Variants in ATP8A2 observed in about 807,000 individuals in gnomAD.
ATP8A2 encodes ATPase phospholipid transporting 8A2.
Under a neutral mutation model 165.6 loss-of-function variants are expected in ATP8A2, and 100 were observed. That is an observed-to-expected ratio of 0.60 (90% CI 0.51 to 0.71). The LOEUF is 0.71. Ranked by LOEUF, ATP8A2 falls within the 30% of genes least tolerant of loss-of-function variation. The pLI is 0.00. For missense variants in ATP8A2, 1,227 were observed against 1,479.5 expected (o/e 0.83, Z 2.80); for synonymous variants, 543 against 548.8 (o/e 0.99, Z 0.15).
chr13:25,747,197 T>C (rs217864), intron 25 of ATP8A2, among the ~76,000 whole-genome samples: 55,419 of 152,160 alleles, frequency 0.36, 10,626 homozygotes, highest in East Asian at 0.49. Context: ...AGGTCTACCT[T>C]AGCTACAATT....
At chr13:25,512,312 C>G (rs2037255833) in intron 2 of ATP8A2, among the ~76,000 whole-genome samples, 1 of 152,164 alleles carries the variant, frequency 6.6e-6, no homozygotes, top group African/African-American at 2.4e-5. Context: ...CATCCGATTT[C>G]TCAATCTTTT....
chr13:25,563,176 G>A (rs12865325), intron 15 of ATP8A2, among the ~76,000 whole-genome samples: 102,793 of 151,190 alleles, frequency 0.68, 35,978 homozygotes, highest in Middle Eastern at 0.72. Context: ...TTGGGAGGCC[G>A]AGGTGGGTGG....
chr13:25,951,206 TTAA>T (rs2139144930), intron 33 of ATP8A2, among the ~76,000 whole-genome samples: 1 of 152,338 alleles, frequency 6.6e-6, no homozygotes, highest in South Asian at 2.1e-4. Flanking sequence ...AGCCTTATTC[TTAA>T]TAATAGGCCC....
intron 25 of ATP8A2, among the ~76,000 whole-genome samples, chr13:25,729,108 CT>C (rs2043559108): frequency 6.6e-6 from 1 of 152,060 alleles, no homozygotes; most frequent in African/African-American, 2.4e-5. Flanking sequence ...CACCCTCCCC[CT>C]CTCTCCTTTC....
At chr13:25,609,565 T>TATATATATATATATTTGGATC (rs762280019) in intron 24 of ATP8A2, among the ~76,000 whole-genome samples, 6 of 120,796 alleles carry the variant, frequency 5.0e-5, no homozygotes, top group Admixed American at 8.8e-5. Context: ...ATATTTGGAT[T>TATATATATATATATTTGGATC]CAAATATATA....
rs114677696 is a variant in ATP8A2, at chr13:25,902,817, G to A, written c.3183+40409G>A. On this transcript the variant is annotated intron_variant, in intron 33 of 36. Transcript: ENST00000381655. ...GCCCAGACCTCTTCCTGAACCACAGGCCCACGCTGGTTGAGTGAATTTCCA... is the reference window on the plus strand; with the variant it reads ...GCCCAGACCTCTTCCTGAACCACAGACCCACGCTGGTTGAGTGAATTTCCA... 4.0e-3 allele frequency among the ~76,000 whole-genome samples: 614 copies of A among 152,108 alleles called. 2 individuals are homozygous for A. The highest frequency in any genetic ancestry group is 0.014 in the African/African-American group (586 of 41,476).
intron 35 of ATP8A2, among the ~76,000 whole-genome samples, chr13:25,977,182 C>T (rs1279357073): frequency 1.3e-5 from 2 of 152,190 alleles, no homozygotes; most frequent in African/African-American, 2.4e-5. Context: ...CAGTCACCTT[C>T]GTGGAGCCTA....
At chr13:25,793,653 G>C (rs1187634012) in intron 27 of ATP8A2, among the ~76,000 whole-genome samples, 1 of 34,234 alleles carries the variant, frequency 2.9e-5, no homozygotes, top group African/African-American at 9.8e-5. Context: ...TCTCAGGGGA[G>C]ACTTAGTGTT....
intron 35 of ATP8A2, among the ~76,000 whole-genome samples, chr13:25,988,187 G>A (rs73155959): frequency 0.03 from 4,521 of 152,344 alleles, 99 homozygotes; most frequent in Non-Finnish European, 0.047. Context: ...TCCAGGTCCA[G>A]CTGAGCATGC....
At chr13:25,507,004 G>A (rs2037064387) in intron 2 of ATP8A2, among the ~76,000 whole-genome samples, 1 of 146,590 alleles carries the variant, frequency 6.8e-6, no homozygotes, top group African/African-American at 2.5e-5. Flanking sequence ...AACTAAATAT[G>A]TGTGTGTATA....
chr13:25,588,906 G>A (rs1184987045), intron 23 of ATP8A2, among the ~76,000 whole-genome samples: 1 of 152,086 alleles, frequency 6.6e-6, no homozygotes, highest in South Asian at 2.1e-4. Flanking sequence ...GAGGCATCCT[G>A]AGAGGCGCTC....
intron 1 of ATP8A2, among the ~76,000 whole-genome samples, chr13:25,382,902 C>G (rs1340477322): frequency 7.0e-6 from 1 of 142,916 alleles, no homozygotes. Context: ...ACTACAGGTG[C>G]CCGCCACCAT....
intron 23 of ATP8A2, among the ~76,000 whole-genome samples, chr13:25,583,915 C>A (rs967814976): frequency 6.6e-6 from 1 of 152,186 alleles, no homozygotes; most frequent in African/African-American, 2.4e-5. Context: ...TCTTTCTTAG[C>A]AAGTACTCTC....
chr13:25,620,631 G>A (rs2040943632), intron 24 of ATP8A2, among the ~76,000 whole-genome samples: 1 of 152,114 alleles, frequency 6.6e-6, no homozygotes, highest in South Asian at 2.1e-4. Context: ...TAATACAATT[G>A]CCTGTGTAAA....
intron 33 of ATP8A2, chr13:25,950,756 G>A (rs1238722824): frequency 6.6e-6 from 1 of 152,124 alleles, no homozygotes; most frequent in Non-Finnish European, 1.5e-5. Flanking sequence ...AGAGAAGAAG[G>A]GGCAGTTGGA....
intron 1 of ATP8A2, among the ~76,000 whole-genome samples, chr13:25,386,522 A>G (rs2033050854): frequency 6.6e-6 from 1 of 152,198 alleles, no homozygotes; most frequent in African/African-American, 2.4e-5. Flanking sequence ...TGGAATCCAA[A>G]TAGCCATTTC....
chr13:25,977,595 T>A (rs1593660059), intron 35 of ATP8A2, among the ~76,000 whole-genome samples: 1 of 152,242 alleles, frequency 6.6e-6, no homozygotes, highest in African/African-American at 2.4e-5. Flanking sequence ...AATAATTGAT[T>A]CTCTGTTATT....
chr13:25,466,100 T>A (rs2035661104), intron 1 of ATP8A2, among the ~76,000 whole-genome samples: 1 of 152,150 alleles, frequency 6.6e-6, no homozygotes, highest in Admixed American at 6.6e-5. Context: ...GATGCTCTTC[T>A]CTCCTGCTCA....
intron 35 of ATP8A2, among the ~76,000 whole-genome samples, chr13:25,981,969 A>T (rs1330630503): frequency 1.3e-5 from 2 of 152,238 alleles, no homozygotes; most frequent in East Asian, 3.8e-4. Context: ...GATAAATACA[A>T]CTTTTCATTA....
Sources: gnomAD v4.1 joint callset for allele counts (sites outside exome capture counted in the v4.1 genomes callset) on GRCh38, gnomAD v4.1.1 for gene constraint, MANE v1.5 for transcripts, NCBI Gene and HGNC (gene_info 2026-07-23, HGNC 2026-07-21) for gene names.